SLC2A13: variants seen among roughly 807,000 people sequenced by gnomAD.
SLC2A13 encodes the protein proton myo-inositol cotransporter.
SLC2A13 carries 32 observed loss-of-function variants against 64.4 expected under a neutral mutation model. That is an observed-to-expected ratio of 0.50 (90% CI 0.37 to 0.67). The LOEUF (loss-of-function observed/expected upper bound fraction) is 0.67. SLC2A13 is among the 30% of genes least tolerant of loss of function. The pLI is 0.00. For missense variants in SLC2A13, 743 were observed against 829.2 expected (o/e 0.90, Z 1.28); for synonymous variants, 338 against 327.1 (o/e 1.03, Z -0.36).
At chr12:39,799,151 C>T (rs1427796741) in intron 7 of SLC2A13, among the ~76,000 whole-genome samples, 7 of 148,576 alleles carry the variant, frequency 4.7e-5, no homozygotes, top group African/African-American at 1.7e-4. Context: ...GGTGCAATCT[C>T]AGCTCACTGC....
intron 1 of SLC2A13, 67 bp from the exon 2 acceptor site, chr12:40,048,277 G>A (rs1207239166): frequency 6.8e-7 from 1 of 1,470,546 alleles, no homozygotes; most frequent in Non-Finnish European, 9.2e-7. Context: ...AAATACTAAT[G>A]CTAGATTTAG....
intron 2 of SLC2A13, among the ~76,000 whole-genome samples, chr12:40,046,108 A>G (rs1024112665): frequency 3.3e-5 from 5 of 152,232 alleles, no homozygotes; most frequent in Non-Finnish European, 5.9e-5. Flanking sequence ...CACTTTACAT[A>G]TAATAAGTAA....
chr12:39,788,829 C>A (rs2135757459), intron 7 of SLC2A13, among the ~76,000 whole-genome samples: 1 of 152,262 alleles, frequency 6.6e-6, no homozygotes. Context: ...GCCCTGCAAT[C>A]TAAATTTCCA....
At position 39,798,198 on chromosome 12, in the gene SLC2A13, C is replaced by T. The variant is rs80153476; in HGVS notation, c.1445+31905G>A. On this transcript the variant is annotated intron_variant, in intron 7 of 9. Coordinates refer to ENST00000280871, the MANE Select transcript of SLC2A13 (RefSeq NM_052885.4). ...AACCAGCATTAACCTGCCAGGCACA[C>T]GAGGAAGCCACCTTGGAAGTGGATC... 7.2e-5 allele frequency among the ~76,000 whole-genome samples: 11 copies of T among 152,262 alleles called. No individual in the cohort carries two copies. In the East Asian group the frequency reaches 9.7e-4, roughly 13 times the overall value.
intron 3 of SLC2A13, among the ~76,000 whole-genome samples, chr12:39,960,701 T>C (rs937379954): frequency 2.0e-5 from 3 of 149,484 alleles, no homozygotes; most frequent in Non-Finnish European, 4.4e-5. Context: ...GTATTTTCAG[T>C]ACAACGTTTA....
chr12:39,807,993 T>C (rs1942031403), intron 7 of SLC2A13, among the ~76,000 whole-genome samples: 1 of 152,166 alleles, frequency 6.6e-6, no homozygotes, highest in Admixed American at 6.5e-5. Flanking sequence ...ATGTATAATA[T>C]ACAAAATATA....
At chr12:40,073,044 G>T (rs957146771) in intron 1 of SLC2A13, among the ~76,000 whole-genome samples, 1 of 151,404 alleles carries the variant, frequency 6.6e-6, no homozygotes, top group African/African-American at 2.4e-5. Flanking sequence ...CTTTGTGCTG[G>T]CCCTAGAGTT....
At chr12:39,959,679 C>T (rs141858099) in intron 3 of SLC2A13, among the ~76,000 whole-genome samples, 6 of 152,192 alleles carry the variant, frequency 3.9e-5, no homozygotes, top group Admixed American at 3.9e-4. Context: ...CTCAACTGAA[C>T]GAATTTCAAA....
At position 39,994,116 on chromosome 12, in the gene SLC2A13, G is replaced by C. The variant is rs557299402; in HGVS notation, c.925+34185C>G. 5.3e-4 allele frequency among the ~76,000 whole-genome samples: 81 copies of C among 152,190 alleles called. 1 individual carries two copies. The highest frequency in any genetic ancestry group is 1.8e-3 in the African/African-American group (76 of 41,544). Reference sequence around the variant, plus strand: ...TGATAAAAACTAATCTCTGCCGGGCGCGGTGGCTCACGCCTGTAATCCCAG... The same window carrying C: ...TGATAAAAACTAATCTCTGCCGGGCCCGGTGGCTCACGCCTGTAATCCCAG... On this transcript the variant is annotated intron_variant, in intron 3 of 9. Coordinates refer to ENST00000280871, the MANE Select transcript of SLC2A13 (RefSeq NM_052885.4).
intron 4 of SLC2A13, among the ~76,000 whole-genome samples, chr12:39,883,560 G>A (rs1241112859): frequency 2.8e-4 from 43 of 152,114 alleles, no homozygotes; most frequent in Admixed American, 2.8e-3. Flanking sequence ...AGGCTTAAGA[G>A]CCTGAGTGTG....
intron 3 of SLC2A13, among the ~76,000 whole-genome samples, chr12:40,020,357 G>T (rs902608741): frequency 2.0e-5 from 3 of 152,142 alleles, no homozygotes; most frequent in African/African-American, 7.2e-5. Context: ...GATAGTGAGT[G>T]AGTTCTCACG....
chr12:39,853,576 T>A (rs1203786218), intron 6 of SLC2A13, among the ~76,000 whole-genome samples: 1 of 151,890 alleles, frequency 6.6e-6, no homozygotes, highest in Non-Finnish European at 1.5e-5. Context: ...TTTCCTTCCT[T>A]TCTTCCTTCC....
Position 39,758,810 on chromosome 12 carries a change from A to T in SLC2A13, c.*1216T>A, listed in dbSNP as rs1396950260. 6.6e-6 allele frequency: 1 copy of T among 151,942 alleles called. No homozygotes were observed. Among genetic ancestry groups the T allele is most frequent in the Non-Finnish European group, 1.5e-5 (1 of 67,828 alleles). The allele number at this position is 151,942 out of a possible 1,614,324, so 9.4% of individuals were successfully genotyped here. ...TATGTATCTTTTTTTTTTCTGGTAA[A>T]TTCTCAGGAAAATGAGAAAAGTGTG... is the stretch of plus-strand genomic sequence containing the variant. On this transcript the variant is annotated 3_prime_UTR_variant, in exon 10 of 10. Coordinates refer to ENST00000280871, the MANE Select transcript of SLC2A13 (RefSeq NM_052885.4).
intron 3 of SLC2A13, among the ~76,000 whole-genome samples, chr12:39,990,277 A>G (rs1947111015): frequency 6.6e-6 from 1 of 152,170 alleles, no homozygotes; most frequent in Non-Finnish European, 1.5e-5. Flanking sequence ...CTATCTCTTC[A>G]CAATATCCCT....
chr12:39,937,518 C>G (rs977501137), intron 4 of SLC2A13, among the ~76,000 whole-genome samples: 19 of 152,144 alleles, frequency 1.2e-4, no homozygotes, highest in African/African-American at 3.6e-4. Flanking sequence ...GGACTTCATG[C>G]TATTTCAACT....
intron 5 of SLC2A13, among the ~76,000 whole-genome samples, chr12:39,865,249 G>A (rs1054645899): frequency 6.6e-6 from 1 of 152,178 alleles, no homozygotes; most frequent in African/African-American, 2.4e-5. Context: ...CAAGAAGCAC[G>A]AAAGACAATA....
intron 3 of SLC2A13, among the ~76,000 whole-genome samples, chr12:39,971,937 T>C (rs1946652225): frequency 7.0e-6 from 1 of 142,834 alleles, no homozygotes; most frequent in South Asian, 2.2e-4. Flanking sequence ...ATCACGCCAC[T>C]GCACTCCAGC....
chr12:40,035,147 A>G (rs1947961098), intron 2 of SLC2A13, among the ~76,000 whole-genome samples: 1 of 152,230 alleles, frequency 6.6e-6, no homozygotes, highest in Non-Finnish European at 1.5e-5. Flanking sequence ...TTTTTCATAT[A>G]CTGAAGGAAT....
chr12:39,771,120 A>G (rs148055268), intron 7 of SLC2A13, among the ~76,000 whole-genome samples: 10 of 152,196 alleles, frequency 6.6e-5, no homozygotes, highest in Non-Finnish European at 1.2e-4. Flanking sequence ...TTGCATTAAC[A>G]CCATCCTAAT....
Sources: allele counts gnomAD v4.1 joint callset (sites outside exome capture counted in the v4.1 genomes callset), GRCh38; gene constraint gnomAD v4.1.1; transcripts MANE v1.5; gene names NCBI Gene and HGNC (gene_info 2026-07-23, HGNC 2026-07-21).